Variants in TTC7B observed in about 807,000 individuals in gnomAD.
The protein encoded by TTC7B is tetratricopeptide repeat protein 7B.
In TTC7B, 28 loss-of-function variants were observed where a neutral mutation model predicts 106.8. That is an observed-to-expected ratio of 0.26 (90% confidence interval 0.19 to 0.36). The LOEUF is 0.36. TTC7B is among the 10% of genes least tolerant of loss of function. The probability of loss-of-function intolerance (pLI) is 1.00; values close to 1 mark genes in which losing one functional copy is unlikely to be tolerated. For missense variants in TTC7B, 862 were observed against 1,076.4 expected, an observed-to-expected ratio of 0.80 and a Z score of 2.79; for synonymous variants, 405 against 430.6, an observed-to-expected ratio of 0.94 and a Z score of 0.74.
chr14:90,649,834 T>C (rs1361946247), intron 13 of TTC7B, among the ~76,000 whole-genome samples: 1 of 152,106 alleles, frequency 6.6e-6, no homozygotes, highest in African/African-American at 2.4e-5. Flanking sequence ...ATCTATAATG[T>C]GATGCCAGGC....
chr14:90,737,149 T>C (rs1889566241), intron 4 of TTC7B, among the ~76,000 whole-genome samples: 1 of 152,166 alleles, frequency 6.6e-6, no homozygotes, highest in Non-Finnish European at 1.5e-5. Context: ...AACATACTTA[T>C]GACATAGTTT....
At chr14:90,603,202 G>T (rs191395960) in intron 17 of TTC7B, 2 of 1,157,276 alleles carry the variant, frequency 1.7e-6, no homozygotes, top group East Asian at 1.1e-4. Flanking sequence ...GGTGGGGGGA[G>T]TGTGATTCTG....
At chr14:90,553,513 C>A (rs369422814) in intron 19 of TTC7B, among the ~76,000 whole-genome samples, 1 of 152,156 alleles carries the variant, frequency 6.6e-6, no homozygotes, top group African/African-American at 2.4e-5. Context: ...GTGATTTCCC[C>A]GGGCAGCCCA....
rs1159937191 is a variant in TTC7B, at chr14:90,570,296, C to T, written c.2310+7810G>A. Among the ~76,000 whole-genome samples, 2 of 152,226 alleles carry T rather than the reference C, an allele frequency of 1.3e-5. No individual in the cohort carries two copies. Among genetic ancestry groups the T allele is most frequent in the East Asian group, 1.9e-4 (1 of 5,188 alleles). ...ATGGCTGCATCATCCAATCCTGCCT[C>T]GAAGTCATTTCCCGCACTCATTTGG... On this transcript the variant is annotated intron_variant, in intron 19 of 19. Coordinates refer to ENST00000328459, the MANE Select transcript of TTC7B (RefSeq NM_001010854.2). This position sits in a 1 kb window ranked among gnomAD's most constrained non-coding sequence, Gnocchi z 4.0.
chr14:90,530,764 C>T lies in TTC7B; in HGVS notation c.*10604G>A, dbSNP rs186734272. The T allele has an allele frequency of 2.0e-5, 3 of 152,288 alleles. No individual in the cohort carries two copies. Among genetic ancestry groups the T allele is most frequent in the East Asian group, 3.9e-4 (2 of 5,186 alleles). 9.4% of individuals were successfully genotyped at this position (152,288 alleles called of 1,614,324 possible). A position where few individuals can be genotyped will look rare whatever the true frequency, so the allele number is the denominator to read the frequency against. ...GTACTTCCAGAAAGAACAGCCCTGC[C>T]GTCACCTTGCCTTTTGCCCCATGAG... On this transcript the variant is annotated 3_prime_UTR_variant, in exon 20 of 20. Coordinates refer to ENST00000328459, the MANE Select transcript of TTC7B (RefSeq NM_001010854.2).
At chr14:90,632,534 G>A (rs1884745641) in intron 15 of TTC7B, among the ~76,000 whole-genome samples, 1 of 152,178 alleles carries the variant, frequency 6.6e-6, no homozygotes, top group African/African-American at 2.4e-5. Context: ...AGGTTAACAG[G>A]GGAGATAGCA....
At chr14:90,659,917 G>C (rs780137581) in intron 9 of TTC7B, among the ~76,000 whole-genome samples, 21 of 152,158 alleles carry the variant, frequency 1.4e-4, no homozygotes, top group Non-Finnish European at 2.8e-4. Context: ...GAGAGAGCCA[G>C]GTCCCCGGAA....
intron 1 of TTC7B, among the ~76,000 whole-genome samples, chr14:90,795,136 C>T (rs1313893163): frequency 6.6e-6 from 1 of 151,908 alleles, no homozygotes; most frequent in African/African-American, 2.4e-5. Flanking sequence ...AAAACAAGAT[C>T]AAAACATTAA....
chr14:90,620,614 G>A (rs2401898), intron 15 of TTC7B, among the ~76,000 whole-genome samples: 29,856 of 152,104 alleles, frequency 0.2, 3,258 homozygotes, highest in African/African-American at 0.29. Flanking sequence ...TGCTGCACAG[G>A]CTGGAGCTCT....
chr14:90,622,613 C>A (rs781052976), intron 15 of TTC7B, among the ~76,000 whole-genome samples: 8 of 151,938 alleles, frequency 5.3e-5, no homozygotes, highest in Middle Eastern at 3.4e-3. Flanking sequence ...ACCTGTAATC[C>A]CAGCTACTCG....
At chr14:90,730,498 A>G (rs1889284362) in intron 4 of TTC7B, among the ~76,000 whole-genome samples, 1 of 152,196 alleles carries the variant, frequency 6.6e-6, no homozygotes, top group Non-Finnish European at 1.5e-5. Flanking sequence ...GCCCTGCTGA[A>G]TGCCAGGATA....
chr14:90,679,872 G>A (rs1034725953), intron 8 of TTC7B, among the ~76,000 whole-genome samples: 5 of 152,164 alleles, frequency 3.3e-5, no homozygotes, highest in Non-Finnish European at 7.4e-5. Flanking sequence ...TGTTTCAAAG[G>A]AATCAGAGGG....
At chr14:90,729,958 C>A in intron 5 of TTC7B, 117 bp downstream of exon 5, 6 of 1,131,200 alleles carry the variant, frequency 5.3e-6, no homozygotes, top group East Asian at 2.7e-5. Flanking sequence ...AAAAAAGTTC[C>A]AATGGTAGTT....
At chr14:90,629,176 C>A (rs192671718) in intron 15 of TTC7B, among the ~76,000 whole-genome samples, 1 of 152,354 alleles carries the variant, frequency 6.6e-6, no homozygotes, top group Admixed American at 6.5e-5. Flanking sequence ...AGCTCAGGAT[C>A]CCCACAAGAA....
chr14:90,799,803 G>C (rs999700596), intron 1 of TTC7B, among the ~76,000 whole-genome samples: 20 of 152,116 alleles, frequency 1.3e-4, no homozygotes, highest in African/African-American at 4.1e-4. Flanking sequence ...TTTAAGCAGG[G>C]AGATGAAATG....
At chr14:90,732,725 C>G (rs1031246839) in intron 4 of TTC7B, among the ~76,000 whole-genome samples, 2 of 151,298 alleles carry the variant, frequency 1.3e-5, no homozygotes, top group African/African-American at 4.9e-5. Flanking sequence ...CCACTGCGCC[C>G]GGCTCCTGAA....
Position 90,553,971 on chromosome 14 carries a change from G to A in TTC7B, c.2311-12382C>T, listed in dbSNP as rs549438123. Among the ~76,000 whole-genome samples, 7 of 152,388 alleles carry A rather than the reference G, an allele frequency of 4.6e-5. 1 individual carries two copies. Among genetic ancestry groups the A allele is most frequent in the African/African-American group, 1.4e-4 (6 of 41,584 alleles). Reference sequence around the variant, plus strand: ...CTTATTCTGCAATTAGCAGTGCAGAGTAATGGGCTGTCAGGCAGTAAACGC... The same window carrying A: ...CTTATTCTGCAATTAGCAGTGCAGAATAATGGGCTGTCAGGCAGTAAACGC... On this transcript the variant is annotated intron_variant, in intron 19 of 19. Transcript: ENST00000328459.
chr14:90,612,821 C>A (rs1892927709), intron 16 of TTC7B, among the ~76,000 whole-genome samples: 1 of 152,178 alleles, frequency 6.6e-6, no homozygotes, highest in African/African-American at 2.4e-5. Flanking sequence ...TATGGCCAGC[C>A]AATTCCTATA....
At chr14:90,656,168 A>G (rs1333941332) in intron 11 of TTC7B, among the ~76,000 whole-genome samples, 1 of 152,220 alleles carries the variant, frequency 6.6e-6, no homozygotes, top group East Asian at 1.9e-4. Flanking sequence ...AAATGGAACT[A>G]AAGTGGAACA....
Sources: allele counts gnomAD v4.1 joint callset (sites outside exome capture counted in the v4.1 genomes callset), GRCh38; gene constraint gnomAD v4.1.1; non-coding constraint Gnocchi (gnomAD v3.1); transcripts MANE v1.5; gene names NCBI Gene and HGNC (gene_info 2026-07-23, HGNC 2026-07-21).